CBX7: variants seen among roughly 807,000 people sequenced by gnomAD.
CBX7 encodes chromobox 7.
A neutral mutation model predicts 31.4 loss-of-function variants in CBX7; 14 were observed. The observed-to-expected ratio is 0.45, with a 90% CI of 0.29 to 0.70. The LOEUF is 0.70. CBX7 is among the 30% of genes least tolerant of loss of function. CBX7 has a pLI of 0.11. For missense variants in CBX7, 269 were observed against 351.9 expected, an observed-to-expected ratio of 0.76 and a Z score of 1.89; for synonymous variants, 159 against 152.6, an observed-to-expected ratio of 1.04 and a Z score of -0.31.
Position 39,134,154 on chromosome 22 carries a change from C to G in CBX7, c.599-106G>C, listed in dbSNP as rs56280969. 6,676 of 1,218,082 alleles carry G rather than the reference C, an allele frequency of 5.5e-3. 276 individuals carry two copies. The African/African-American group carries it at 0.088, about 16-fold the overall frequency. The allele number at this position is 1,218,082 out of a possible 1,614,324, so 75.5% of individuals were successfully genotyped here. ...AGCTCCTCCTCTCTGTGTCTTCAGT[C>G]AGCTCAGGGCCTCACACAGGGCTGG... On this transcript the variant is annotated intron_variant, in intron 5 of 5. Transcript: ENST00000216133.
At chr22:39,138,140 G>A (rs924152141) in intron 4 of CBX7, among the ~76,000 whole-genome samples, 3 of 142,138 alleles carry the variant, frequency 2.1e-5, no homozygotes, top group Non-Finnish European at 4.5e-5. Context: ...AAGATCGCGC[G>A]CCACTGCACT....
At position 39,134,605 on chromosome 22, in the gene CBX7, C is replaced by T. The variant is rs1172284762; in HGVS notation, c.394G>A (p.Val132Met). 1 of 1,588,676 alleles carries T rather than the reference C, an allele frequency of 6.3e-7. No individual in the cohort carries two copies. The highest frequency in any genetic ancestry group is 8.6e-7 in the Non-Finnish European group (1 of 1,167,690). The part of the protein sequence containing the change: ...APELVDKGPL[V>M]PTLPFPLRKP... ...CGGAGCGGGAAGGGCAGGGTGGGCA[C>T]CAAGGGGCCCTTGTCCACCAGCTCA... The change falls in exon 5 of 6, where the codon GTG becomes ATG. Residue 132 changes from valine to methionine, a missense_variant. Coordinates refer to ENST00000216133, the MANE Select transcript of CBX7 (RefSeq NM_175709.5).
chr22:39,136,917 G>T (rs1007120054), intron 4 of CBX7, among the ~76,000 whole-genome samples: 6 of 152,200 alleles, frequency 3.9e-5, no homozygotes, highest in Non-Finnish European at 7.3e-5. Flanking sequence ...CTGCATGAAG[G>T]GAGGCCCACC....
At chr22:39,141,648 C>T (rs1447264769) in intron 2 of CBX7, among the ~76,000 whole-genome samples, 1 of 151,756 alleles carries the variant, frequency 6.6e-6, no homozygotes, top group Non-Finnish European at 1.5e-5. Context: ...ACTCAGGAGG[C>T]TGAGACAGGA....
intron 4 of CBX7, 25 bp from the exon 5 acceptor site, chr22:39,134,777 C>G (rs1429589791): frequency 7.1e-7 from 1 of 1,402,788 alleles, no homozygotes; most frequent in Admixed American, 2.5e-5. Context: ...CAGGGCAGCG[C>G]GGGTCAGCCC....
chr22:39,144,808 G>A (rs996385001), intron 2 of CBX7, among the ~76,000 whole-genome samples: 2 of 152,214 alleles, frequency 1.3e-5, no homozygotes, highest in African/African-American at 4.8e-5. Context: ...GACCACTACA[G>A]TAACAGCAGG....
chr22:39,142,935 CA>C (rs1380295373), intron 2 of CBX7, among the ~76,000 whole-genome samples: 3 of 143,882 alleles, frequency 2.1e-5, no homozygotes, highest in South Asian at 4.3e-4. Flanking sequence ...GTTTCAAAAA[CA>C]AAGCTTTAAG....
chr22:39,142,014 GGA>G (rs765116557), intron 2 of CBX7, among the ~76,000 whole-genome samples: 8 of 152,194 alleles, frequency 5.3e-5, no homozygotes, highest in Admixed American at 1.3e-4. Flanking sequence ...GGTGCCAGGA[GGA>G]GAGAGGGCGC....
At chr22:39,150,861 G>A (rs947872125) in intron 1 of CBX7, among the ~76,000 whole-genome samples, 5 of 152,208 alleles carry the variant, frequency 3.3e-5, no homozygotes, top group East Asian at 1.9e-4. Context: ...CCTCCTCACA[G>A]AGGCTTTCCC....
intron 3 of CBX7, 43 bp downstream of exon 3, chr22:39,141,328 A>G (rs758094771): frequency 6.4e-6 from 10 of 1,566,448 alleles, no homozygotes; most frequent in Non-Finnish European, 7.8e-6. Flanking sequence ...GAAGCCTCTG[A>G]GCCGGCCCTA....
intron 1 of CBX7, among the ~76,000 whole-genome samples, chr22:39,151,959 A>C (rs1325986144): frequency 6.6e-6 from 1 of 152,130 alleles, no homozygotes; most frequent in Non-Finnish European, 1.5e-5. Flanking sequence ...GACTTTTCCA[A>C]AGCTCCACTT....
Position 39,134,653 on chromosome 22 carries a change from C to T in CBX7, c.346G>A (p.Gly116Arg). ...TCAGGTGCCCCCGCCTTGACCACCC[C>T]CTCAGGGCTCCCGCTGCCGAGTGGG... ...TCPLGSGSPEGVVKAGAPELV... is the reference protein window; with the variant it reads ...TCPLGSGSPERVVKAGAPELV... The change falls in exon 5 of 6, where the codon GGG (glycine) becomes AGG (arginine). Residue 116 changes from glycine to arginine, a missense_variant. Gly to Arg is a moderately radical substitution (Grantham distance 125). Transcript: ENST00000216133. The T allele has an allele frequency of 6.3e-7, 1 of 1,588,400 alleles. No individual in the cohort carries two copies.
chr22:39,139,652 G>A (rs149398063), intron 3 of CBX7, among the ~76,000 whole-genome samples: 2,011 of 134,790 alleles, frequency 0.015, 51 homozygotes, highest in African/African-American at 0.055. Flanking sequence ...GCAGTGAGCC[G>A]AGATCGCGCC....
intron 4 of CBX7, chr22:39,135,297 C>T (rs894065766): frequency 1.3e-5 from 2 of 153,894 alleles, no homozygotes; most frequent in Non-Finnish European, 2.9e-5. Flanking sequence ...TGCACCCCGA[C>T]CCCTCCAGGG....
chr22:39,138,837 C>T, intron 3 of CBX7, 135 bp from the exon 4 acceptor site: 1 of 774,880 alleles, frequency 1.3e-6, no homozygotes, highest in Non-Finnish European at 2.2e-6. Context: ...ACCAATCCTC[C>T]CCATTGCCTG....
At chr22:39,134,269 T>A (rs1231379468) in intron 5 of CBX7, 132 bp downstream of exon 5, 1 of 900,790 alleles carries the variant, frequency 1.1e-6, no homozygotes, top group East Asian at 2.7e-5. Context: ...TGGGCTAGTG[T>A]TGGGCCCTGA....
chr22:39,137,816 A>G (rs893977339), intron 4 of CBX7, among the ~76,000 whole-genome samples: 13 of 152,162 alleles, frequency 8.5e-5, no homozygotes, highest in Admixed American at 5.9e-4. Flanking sequence ...GAAGGCTGGA[A>G]CAGGAGGCCC....
intron 2 of CBX7, 148 bp downstream of exon 2, chr22:39,149,641 G>C: frequency 2.8e-6 from 2 of 715,540 alleles, no homozygotes; most frequent in Non-Finnish European, 5.0e-6. Context: ...CTGAGGCCCA[G>C]AGAAGATGAT....
chr22:39,146,206 T>A (rs547719253), intron 2 of CBX7, among the ~76,000 whole-genome samples: 4 of 152,290 alleles, frequency 2.6e-5, no homozygotes, highest in Admixed American at 2.6e-4. Flanking sequence ...ATTAGATGTG[T>A]TAAGCCACGG....
Sources: allele counts gnomAD v4.1 joint callset (sites outside exome capture counted in the v4.1 genomes callset), GRCh38; gene constraint gnomAD v4.1.1; transcripts MANE v1.5; gene names NCBI Gene and HGNC (gene_info 2026-07-23, HGNC 2026-07-21).